Variants in HS6ST3 observed in about 807,000 individuals in gnomAD.
The protein encoded by HS6ST3 is heparan-sulfate 6-O-sulfotransferase 3.
Under a neutral mutation model 36.7 loss-of-function variants are expected in HS6ST3, and 12 were observed. That is an observed-to-expected ratio of 0.33 (90% CI 0.21 to 0.53). The LOEUF (loss-of-function observed/expected upper bound fraction) is 0.53, where lower values mean the gene tolerates loss of function less well. Among genes scored for constraint, HS6ST3 ranks in the 20% least tolerant of loss-of-function variants. HS6ST3 has a pLI of 0.95. For missense variants in HS6ST3, 584 were observed against 640.9 expected (o/e 0.91, Z 0.96); for synonymous variants, 240 against 257.5 (o/e 0.93, Z 0.65).
intron 1 of HS6ST3, among the ~76,000 whole-genome samples, chr13:96,584,191 G>A (rs142582062): frequency 1.6e-3 from 239 of 152,206 alleles, no homozygotes; most frequent in African/African-American, 5.6e-3. Context: ...AGGCTGGAGT[G>A]CAGTGACACA....
chr13:96,249,484 C>A (rs2054598307), intron 1 of HS6ST3, among the ~76,000 whole-genome samples: 1 of 152,118 alleles, frequency 6.6e-6, no homozygotes, highest in Middle Eastern at 3.4e-3. Flanking sequence ...AGAGAAGTGG[C>A]TGAAAAACTG....
chr13:96,386,739 G>A (rs970183828), intron 1 of HS6ST3, among the ~76,000 whole-genome samples: 1 of 152,042 alleles, frequency 6.6e-6, no homozygotes, highest in African/African-American at 2.4e-5. Flanking sequence ...GGTGGGGCAT[G>A]CCTGTAATCC....
At chr13:96,318,028 T>C (rs112865322) in intron 1 of HS6ST3, among the ~76,000 whole-genome samples, 53 of 152,268 alleles carry the variant, frequency 3.5e-4, no homozygotes, top group Non-Finnish European at 6.9e-4. Context: ...GGGTTTCTTT[T>C]GGCGTGCAGA....
chr13:96,097,602 A>G (rs957189810), intron 1 of HS6ST3, among the ~76,000 whole-genome samples: 3 of 152,036 alleles, frequency 2.0e-5, no homozygotes. Flanking sequence ...AATGTTTTGT[A>G]GTAATCACTT....
At chr13:96,436,653 A>C (rs538891387) in intron 1 of HS6ST3, among the ~76,000 whole-genome samples, 2 of 152,222 alleles carry the variant, frequency 1.3e-5, no homozygotes, top group African/African-American at 2.4e-5. Flanking sequence ...AAATTTCATC[A>C]TATAAAAAGG....
intron 1 of HS6ST3, among the ~76,000 whole-genome samples, chr13:96,739,219 TTGTGTGTGTG>T (rs3138578): frequency 0.047 from 5,879 of 126,032 alleles, 160 homozygotes; most frequent in Middle Eastern, 0.058. Flanking sequence ...CGACATTTGC[TTGTGTGTGTG>T]TGTGTGTGTG....
At chr13:96,335,524 T>C (rs2055096212) in intron 1 of HS6ST3, among the ~76,000 whole-genome samples, 1 of 152,194 alleles carries the variant, frequency 6.6e-6, no homozygotes, top group Admixed American at 6.5e-5. Context: ...ATTTGGTACC[T>C]CTGTAAATAG....
intron 1 of HS6ST3, among the ~76,000 whole-genome samples, chr13:96,603,044 A>G (rs926595795): frequency 5.3e-5 from 8 of 152,124 alleles, no homozygotes; most frequent in Admixed American, 1.3e-4. Context: ...ATTTTTGTGC[A>G]TGGATAATTA....
intron 1 of HS6ST3, among the ~76,000 whole-genome samples, chr13:96,731,792 A>G (rs1876161202): frequency 6.6e-6 from 1 of 151,870 alleles, no homozygotes; most frequent in Admixed American, 6.6e-5. Flanking sequence ...GGTAGCTGGG[A>G]CTACAGGCAT....
chr13:96,363,790 T>C (rs2055250706), intron 1 of HS6ST3, among the ~76,000 whole-genome samples: 1 of 152,160 alleles, frequency 6.6e-6, no homozygotes, highest in South Asian at 2.1e-4. Flanking sequence ...AAGGGTGAGA[T>C]GAAAATAAAG....
chr13:96,234,635 T>G (rs1229143262), intron 1 of HS6ST3, among the ~76,000 whole-genome samples: 1 of 152,036 alleles, frequency 6.6e-6, no homozygotes, highest in Non-Finnish European at 1.5e-5. Flanking sequence ...CCATCAGATC[T>G]CATGAGACTT....
chr13:96,622,260 A>G (rs1172420091), intron 1 of HS6ST3, among the ~76,000 whole-genome samples: 5 of 152,194 alleles, frequency 3.3e-5, no homozygotes. Flanking sequence ...TTTAGACAAC[A>G]AAGTATCTTG....
At chr13:96,343,067 T>C (rs2055138042) in intron 1 of HS6ST3, among the ~76,000 whole-genome samples, 1 of 152,318 alleles carries the variant, frequency 6.6e-6, no homozygotes, top group African/African-American at 2.4e-5. Context: ...GGAAGGGAAT[T>C]GCATACTAAT....
chr13:96,385,525 A>G (rs780012817), intron 1 of HS6ST3, among the ~76,000 whole-genome samples: 22 of 152,200 alleles, frequency 1.4e-4, no homozygotes, highest in Non-Finnish European at 2.9e-4. Context: ...GGGATGGGCT[A>G]GTGGATGTGG....
At chr13:96,256,677 G>A (rs968005306) in intron 1 of HS6ST3, among the ~76,000 whole-genome samples, 2 of 152,158 alleles carry the variant, frequency 1.3e-5, no homozygotes, top group Non-Finnish European at 2.9e-5. Flanking sequence ...TTTAGTAGTA[G>A]AGCTGAATTT....
chr13:96,741,043 C>T (rs546933898), intron 1 of HS6ST3, among the ~76,000 whole-genome samples: 34 of 152,168 alleles, frequency 2.2e-4, no homozygotes, highest in Admixed American at 1.5e-3. Context: ...TATAAACCCA[C>T]GAGGAGAAAC....
intron 1 of HS6ST3, among the ~76,000 whole-genome samples, chr13:96,651,909 C>G (rs1180490262): frequency 1.3e-5 from 2 of 152,054 alleles, no homozygotes; most frequent in Non-Finnish European, 2.9e-5. Context: ...TCAGAGAAGT[C>G]TTCAGTTAGT....
chr13:96,404,827 C>T (rs187242331), intron 1 of HS6ST3, among the ~76,000 whole-genome samples: 2 of 152,290 alleles, frequency 1.3e-5, no homozygotes, highest in African/African-American at 2.4e-5. Flanking sequence ...CCACCCAAAT[C>T]TCATCTTGAA....
At chr13:96,790,242 C>T (rs1037035455) in intron 1 of HS6ST3, among the ~76,000 whole-genome samples, 4 of 149,572 alleles carry the variant, frequency 2.7e-5, no homozygotes, top group African/African-American at 9.9e-5. Context: ...CAAACTTTTT[C>T]TCCCAATCTG....
Sources: gnomAD v4.1 joint callset for allele counts (sites outside exome capture counted in the v4.1 genomes callset) on GRCh38, gnomAD v4.1.1 for gene constraint, MANE v1.5 for transcripts, NCBI Gene and HGNC (gene_info 2026-07-23, HGNC 2026-07-21) for gene names.